Variants in FER observed in about 807,000 individuals in gnomAD.
FER encodes the protein FER tyrosine kinase.
In FER, 63 loss-of-function variants were observed where a neutral mutation model predicts 111.0. The observed-to-expected ratio is 0.57, with a 90% CI of 0.46 to 0.70. The LOEUF (loss-of-function observed/expected upper bound fraction) is 0.70, where lower values mean the gene tolerates loss of function less well. FER is among the 30% of genes least tolerant of loss of function. FER has a pLI of 0.00. For missense variants in FER, 914 were observed against 954.0 expected (o/e 0.96, Z 0.55); for synonymous variants, 327 against 313.9 (o/e 1.04, Z -0.44).
chr5:109,173,793 A>C (rs1757405504), intron 17 of FER, among the ~76,000 whole-genome samples: 1 of 144,378 alleles, frequency 6.9e-6, no homozygotes, highest in Non-Finnish European at 1.5e-5. Context: ...GCATTTTAAC[A>C]GTGGCTTTAA....
intron 3 of FER, among the ~76,000 whole-genome samples, chr5:108,815,527 G>C (rs934899500): frequency 6.6e-6 from 1 of 152,002 alleles, no homozygotes; most frequent in Non-Finnish European, 1.5e-5. Flanking sequence ...ATGTTTAACA[G>C]CTATTGTATT....
chr5:109,144,465 A>G (rs1025372957), intron 17 of FER, among the ~76,000 whole-genome samples: 1 of 152,122 alleles, frequency 6.6e-6, no homozygotes, highest in African/African-American at 2.4e-5. Context: ...GTAGCATGCT[A>G]ATTCTAGTTA....
At chr5:109,178,802 T>C (rs952684271) in intron 17 of FER, among the ~76,000 whole-genome samples, 12 of 152,342 alleles carry the variant, frequency 7.9e-5, no homozygotes, top group Middle Eastern at 3.4e-3. Flanking sequence ...CTCATTTCCA[T>C]ATACATTTTA....
intron 13 of FER, among the ~76,000 whole-genome samples, chr5:108,991,876 A>T (rs920555141): frequency 7.5e-4 from 103 of 137,304 alleles, no homozygotes; most frequent in East Asian, 2.4e-3. Context: ...TTTTTTTTTT[A>T]AATTAATTAA....
chr5:109,047,005 A>G (rs1772083590), intron 15 of FER, 99 bp from the exon 16 acceptor site: 3 of 587,616 alleles, frequency 5.1e-6, no homozygotes, highest in Non-Finnish European at 8.6e-6. Flanking sequence ...AAATTGAATT[A>G]TGATTCAAGA....
chr5:108,967,759 C>CAAAAAAAAAA (rs774855414), intron 13 of FER, among the ~76,000 whole-genome samples: 73 of 34,440 alleles, frequency 2.1e-3, no homozygotes, highest in East Asian at 3.7e-3. Context: ...GACTCCGTCT[C>CAAAAAAAAAA]AAAAAAAAAA....
intron 17 of FER, among the ~76,000 whole-genome samples, chr5:109,170,412 A>G (rs945166497): frequency 6.6e-6 from 1 of 152,160 alleles, no homozygotes; most frequent in South Asian, 2.1e-4. Context: ...AACCAAAAGA[A>G]CACTAAACAC....
At chr5:108,841,724 C>G (rs1412056540) in intron 5 of FER, 1 of 217,026 alleles carries the variant, frequency 4.6e-6, no homozygotes, top group Non-Finnish European at 9.5e-6. Context: ...AACCTGCAGT[C>G]TGTTTTGTAC....
chr5:108,985,501 G>A lies in FER; in HGVS notation c.1656+26154G>A, dbSNP rs1454049703. The stretch of plus-strand genomic sequence containing the variant: ...TTGCTTACATGAGTAAGTTCTTTAT[G>A]GAGGTTGTGATTTCTGAGATTATGG... On this transcript the variant is annotated intron_variant, in intron 13 of 19. Coordinates refer to ENST00000281092, the MANE Select transcript of FER (RefSeq NM_005246.4). 2.0e-5 allele frequency among the ~76,000 whole-genome samples: 3 copies of A among 151,976 alleles called. No homozygotes were observed. In the East Asian group the frequency reaches 5.8e-4, roughly 29 times the overall value.
At chr5:108,757,653 T>TA (rs980135482) in intron 1 of FER, among the ~76,000 whole-genome samples, 3 of 152,328 alleles carry the variant, frequency 2.0e-5, no homozygotes, top group East Asian at 1.9e-4. Flanking sequence ...TCAGGAATCT[T>TA]ACGTTCATAA....
intron 2 of FER, among the ~76,000 whole-genome samples, chr5:108,796,089 C>T (rs1388098911): frequency 1.3e-5 from 2 of 152,164 alleles, no homozygotes; most frequent in Admixed American, 1.3e-4. Context: ...TATTAGGGGC[C>T]ACTTCAAGCC....
At chr5:109,016,838 G>T (rs531535825) in intron 13 of FER, among the ~76,000 whole-genome samples, 19 of 152,072 alleles carry the variant, frequency 1.2e-4, no homozygotes, top group African/African-American at 4.6e-4. Context: ...TATAGGTAGG[G>T]CTTTTAGGAG....
intron 5 of FER, among the ~76,000 whole-genome samples, chr5:108,844,980 G>T (rs1761725791): frequency 5.7e-5 from 4 of 70,040 alleles, no homozygotes; most frequent in African/African-American, 1.0e-4. Context: ...ATTGTTCATT[G>T]CTGGTGTGTG....
At chr5:109,110,539 C>G (rs1205980783) in intron 17 of FER, among the ~76,000 whole-genome samples, 3 of 152,034 alleles carry the variant, frequency 2.0e-5, no homozygotes, top group African/African-American at 7.2e-5. Context: ...TTCTTGTAAG[C>G]CATTGAAAGG....
intron 16 of FER, among the ~76,000 whole-genome samples, chr5:109,048,819 C>T (rs1157582539): frequency 7.8e-6 from 1 of 127,678 alleles, no homozygotes; most frequent in African/African-American, 3.0e-5. Context: ...AATTATACTC[C>T]ACCACTGTTT....
intron 10 of FER, among the ~76,000 whole-genome samples, chr5:108,919,749 A>G (rs1490122182): frequency 6.6e-6 from 1 of 152,162 alleles, no homozygotes; most frequent in Non-Finnish European, 1.5e-5. Context: ...CTTCTTGACA[A>G]TGAAGTTTCT....
At chr5:109,178,922 TTTAA>T (rs561212938) in intron 17 of FER, among the ~76,000 whole-genome samples, 327 of 152,328 alleles carry the variant, frequency 2.1e-3, no homozygotes, top group Non-Finnish European at 2.9e-3. Context: ...TCACATATTT[TTTAA>T]TTAATATTCA....
intron 17 of FER, among the ~76,000 whole-genome samples, chr5:109,171,548 T>C (rs73779053): frequency 0.15 from 22,626 of 152,164 alleles, 1,845 homozygotes; most frequent in Non-Finnish European, 0.18. Flanking sequence ...TCATGACGGC[T>C]ATTCAGTAAG....
At chr5:108,758,374 T>A (rs1415386144) in intron 1 of FER, among the ~76,000 whole-genome samples, 1 of 152,242 alleles carries the variant, frequency 6.6e-6, no homozygotes, top group African/African-American at 2.4e-5. Context: ...CTTATAACTT[T>A]GGGATTTTTC....
Sources: gnomAD v4.1 joint callset for allele counts (sites outside exome capture counted in the v4.1 genomes callset) on GRCh38, gnomAD v4.1.1 for gene constraint, MANE v1.5 for transcripts, NCBI Gene and HGNC (gene_info 2026-07-23, HGNC 2026-07-21) for gene names.